The following LOXHD1 variants were observed in gnomAD, a reference collection of about 807,000 sequenced individuals.
The protein encoded by LOXHD1 is lipoxygenase homology domain-containing protein 1.
A neutral mutation model predicts 248.2 loss-of-function variants in LOXHD1; 205 were observed. That is an observed-to-expected ratio of 0.83 (90% CI 0.74 to 0.93). LOXHD1 has a LOEUF of 0.93. Among genes scored for constraint, LOXHD1 ranks in the 40% least tolerant of loss-of-function variants. LOXHD1 has a pLI of 0.00. For synonymous variants in LOXHD1, 1,113 were observed against 1,162.8 expected (o/e 0.96, Z 0.87); for missense variants, 2,930 against 2,971.6 (o/e 0.99, Z 0.33).
chr18:46,637,087 A>T (rs1159165284), intron 4 of LOXHD1, among the ~76,000 whole-genome samples: 1 of 152,216 alleles, frequency 6.6e-6, no homozygotes. Flanking sequence ...TGGAGGGTGA[A>T]GTGAGCCGAG....
At chr18:46,636,327 C>G (rs2038892088) in intron 4 of LOXHD1, among the ~76,000 whole-genome samples, 1 of 152,242 alleles carries the variant, frequency 6.6e-6, no homozygotes, top group Non-Finnish European at 1.5e-5. Context: ...GTGCAACAGT[C>G]CTGGTGCCCC....
intron 34 of LOXHD1, among the ~76,000 whole-genome samples, chr18:46,516,450 C>A (rs1272019443): frequency 6.6e-6 from 1 of 152,122 alleles, no homozygotes; most frequent in Non-Finnish European, 1.5e-5. Context: ...AAAATCAGAC[C>A]CCCAGGGATG....
At chr18:46,487,178 A>G (rs1297937483) in intron 38 of LOXHD1, among the ~76,000 whole-genome samples, 1 of 152,228 alleles carries the variant, frequency 6.6e-6, no homozygotes, top group Non-Finnish European at 1.5e-5. Flanking sequence ...AGTCACTAGC[A>G]TAAAGGGGCC....
chr18:46,579,842 CCTG>C lies in LOXHD1; in HGVS notation c.1655-61_1655-59del, dbSNP rs2037930249. 13 of 1,509,910 alleles carry C rather than the reference CCTG, an allele frequency of 8.6e-6. No individual in the cohort carries two copies. In the South Asian group the frequency reaches 1.7e-4, roughly 20 times the overall value. The allele number at this position is 1,509,910 out of a possible 1,614,324, so 93.5% of individuals were successfully genotyped here. On this transcript the variant is annotated intron_variant, in intron 12 of 40. Transcript: ENST00000642948. ...CAGCCCCCTGCTTCCCATCCCTAGC[CCTG>C]CTGCTCCCACTTCTAAGCTCTGATT...
chr18:46,554,422 G>C (rs983169109), intron 21 of LOXHD1, among the ~76,000 whole-genome samples: 3 of 152,214 alleles, frequency 2.0e-5, no homozygotes, highest in African/African-American at 7.2e-5. Flanking sequence ...CCTAGGTATT[G>C]ACAGAAAAGG....
Position 46,606,345 on chromosome 18 carries a change from C to T in LOXHD1, c.760-2116G>A, listed in dbSNP as rs1044371346. On this transcript the variant is annotated intron_variant, in intron 6 of 40. Transcript: ENST00000642948. Reference sequence around the variant, plus strand: ...TAATAGTATACTGTATATATATACACACACACACACACACACAGGTTGAAC... The same window carrying T: ...TAATAGTATACTGTATATATATACATACACACACACACACACAGGTTGAAC... Among the ~76,000 whole-genome samples the T allele has an allele frequency of 4.7e-4, 71 of 151,440 alleles. 1 individual carries two copies. The highest frequency in any genetic ancestry group is 1.4e-3 in the East Asian group (7 of 5,150).
chr18:46,657,057 G>T lies in LOXHD1; in HGVS notation c.-24C>A, dbSNP rs571167796. 3 of 1,551,378 alleles carry T rather than the reference G, an allele frequency of 1.9e-6. No homozygotes were observed. Among genetic ancestry groups the T allele is most frequent in the East Asian group, 4.9e-5 (2 of 40,906 alleles). On this transcript the variant is annotated 5_prime_UTR_variant, in exon 1 of 41. Coordinates refer to ENST00000642948, the MANE Select transcript of LOXHD1 (RefSeq NM_001384474.1). Reference sequence around the variant, plus strand: ...ATTCTGTCGGCTGCCTTCTCCCAGCGCTCGCAGGCTCACTGTGCCGCCTCC... The same window carrying T: ...ATTCTGTCGGCTGCCTTCTCCCAGCTCTCGCAGGCTCACTGTGCCGCCTCC...
chr18:46,564,402 C>A lies in LOXHD1; in HGVS notation c.2438-1177G>T, dbSNP rs552213727. Among the ~76,000 whole-genome samples the A allele has an allele frequency of 3.9e-5, 6 of 152,132 alleles. No individual in the cohort carries two copies. In the South Asian group the frequency reaches 1.2e-3, roughly 32 times the overall value. ...ATAAAAATTGAGGGGTGTGGTGGCACGTGCCTGTAGTCCCAGCTACTCAAG... is the reference window on the plus strand; with the variant it reads ...ATAAAAATTGAGGGGTGTGGTGGCAAGTGCCTGTAGTCCCAGCTACTCAAG... On this transcript the variant is annotated intron_variant, in intron 17 of 40. Coordinates refer to ENST00000642948, the MANE Select transcript of LOXHD1 (RefSeq NM_001384474.1).
chr18:46,594,412 A>T lies in LOXHD1; in HGVS notation c.1189T>A (p.Trp397Arg). 1.9e-6 allele frequency: 3 copies of T among 1,551,620 alleles called. No individual in the cohort carries two copies. The highest frequency in any genetic ancestry group is 2.6e-6 in the Non-Finnish European group (3 of 1,147,002). The change falls in exon 9 of 41, where the codon TGG becomes AGG. Residue 397 changes from tryptophan (W) to arginine (R), a missense_variant. Coordinates refer to ENST00000642948, the MANE Select transcript of LOXHD1 (RefSeq NM_001384474.1). Reference protein sequence around the residue: ...GIQQTFPCSNWLDEKKADGLI... With the variant: ...GIQQTFPCSNRLDEKKADGLI... ...CCATCCGCTTTCTTCTCATCCAGCC[A>T]GTTGCTACAAGGGAAGGTCTGCTGG...
intron 34 of LOXHD1, among the ~76,000 whole-genome samples, chr18:46,510,113 G>A (rs2143963694): frequency 6.6e-6 from 1 of 152,328 alleles, no homozygotes; most frequent in South Asian, 2.1e-4. Context: ...CTAGAACTTG[G>A]TTTCCTTACC....
intron 14 of LOXHD1, among the ~76,000 whole-genome samples, chr18:46,572,824 C>T (rs2037780283): frequency 6.6e-6 from 1 of 151,740 alleles, no homozygotes; most frequent in Non-Finnish European, 1.5e-5. Flanking sequence ...GAGATGAAGA[C>T]CATCCTGGCT....
chr18:46,523,042 G>C (rs2035656468), intron 31 of LOXHD1, among the ~76,000 whole-genome samples: 2 of 152,042 alleles, frequency 1.3e-5, no homozygotes, highest in South Asian at 4.1e-4. Context: ...CTGCCTCCCA[G>C]GTTCAAGTGA....
At chr18:46,491,427 T>A (rs2033466834) in intron 37 of LOXHD1, among the ~76,000 whole-genome samples, 1 of 152,240 alleles carries the variant, frequency 6.6e-6, no homozygotes, top group Non-Finnish European at 1.5e-5. Context: ...CATCTCTAAC[T>A]AGCTCCCAGG....
intron 20 of LOXHD1, chr18:46,557,829 G>T: frequency 7.8e-7 from 1 of 1,279,392 alleles, no homozygotes; most frequent in Non-Finnish European, 1.0e-6. Flanking sequence ...AGAGAGGGGG[G>T]TGCACTGAAA....
chr18:46,543,000 AC>A lies in LOXHD1; in HGVS notation c.3620-146del, dbSNP rs1281586430. ...ACTGTGCAATTATCATCCATTGGCC[AC>A]CTTTGCACAGTGGGCATTTTAAAAA... On this transcript the variant is annotated intron_variant, in intron 23 of 40. Transcript: ENST00000642948. 2.6e-6 allele frequency: 3 copies of A among 1,175,134 alleles called. No homozygotes were observed. In the African/African-American group the frequency reaches 4.7e-5, roughly 18 times the overall value. The allele number at this position is 1,175,134 out of a possible 1,614,324, so 72.8% of individuals were successfully genotyped here. A position where few individuals can be genotyped will look rare whatever the true frequency, so the allele number is the denominator to read the frequency against.
intron 28 of LOXHD1, among the ~76,000 whole-genome samples, chr18:46,530,785 C>T (rs2036031047): frequency 1.3e-5 from 2 of 152,150 alleles, no homozygotes; most frequent in South Asian, 4.2e-4. Flanking sequence ...TTATTCCCTC[C>T]TGCTCTCCTT....
intron 14 of LOXHD1, among the ~76,000 whole-genome samples, chr18:46,574,416 C>CACACACACACACACACACACACAA (rs2037815018): frequency 6.6e-6 from 1 of 151,186 alleles, no homozygotes; most frequent in African/African-American, 2.4e-5. Context: ...CACACACACA[C>CACACACACACACACACACACACAA]ACACCTGATC....
intron 4 of LOXHD1, among the ~76,000 whole-genome samples, chr18:46,633,043 T>C (rs1359080923): frequency 6.6e-6 from 1 of 152,230 alleles, no homozygotes; most frequent in Non-Finnish European, 1.5e-5. Flanking sequence ...GGCATTTTCC[T>C]CTTTTCTTCC....
chr18:46,596,973 T>C (rs1388302986), intron 8 of LOXHD1, among the ~76,000 whole-genome samples: 2 of 152,112 alleles, frequency 1.3e-5, no homozygotes, highest in Non-Finnish European at 2.9e-5. Flanking sequence ...AAGAAGAAAA[T>C]TGACACCAGA....
Sources: gnomAD v4.1 joint callset for allele counts (sites outside exome capture counted in the v4.1 genomes callset) on GRCh38, gnomAD v4.1.1 for gene constraint, MANE v1.5 for transcripts, NCBI Gene and HGNC (gene_info 2026-07-23, HGNC 2026-07-21) for gene names.